Variants in CIB3 observed in about 807,000 individuals in gnomAD.
CIB3 encodes calcium and integrin binding family member 3, also known as calcium and integrin-binding family member 3.
In CIB3, 22 loss-of-function variants were observed where a neutral mutation model predicts 23.4. The observed-to-expected ratio is 0.94, with a 90% confidence interval of 0.67 to 1.34. The LOEUF (loss-of-function observed/expected upper bound fraction) is 1.34. CIB3 is among the 40% of genes most tolerant of loss of function. The pLI is 0.00. For synonymous variants in CIB3, 93 were observed against 95.8 expected (o/e 0.97, Z 0.17); for missense variants, 258 against 247.3 (o/e 1.04, Z -0.29).
intron 2 of CIB3, among the ~76,000 whole-genome samples, chr19:16,170,693 G>T (rs1212049156): frequency 2.0e-5 from 3 of 151,822 alleles, no homozygotes; most frequent in Admixed American, 2.0e-4. Context: ...GTGGTGACGG[G>T]CACCTGTAAT....
Position 16,168,417 on chromosome 19 carries a change from G to T in CIB3, c.199-133C>A. 5 of 1,293,676 alleles carry T rather than the reference G, an allele frequency of 3.9e-6. No individual in the cohort carries two copies. The South Asian group carries it at 7.5e-5, about 20-fold the overall frequency. 80.1% of individuals were successfully genotyped at this position (1,293,676 alleles called of 1,614,324 possible). ...CCATCAAGACCCACTCCCTCCCATG[G>T]TCCCTGGACAGGACTTTGGACAACT... On this transcript the variant is annotated intron_variant, in intron 3 of 5. Transcript: ENST00000269878.
chr19:16,172,314 C>T (rs989722039), intron 2 of CIB3, among the ~76,000 whole-genome samples: 10 of 152,164 alleles, frequency 6.6e-5, no homozygotes, highest in African/African-American at 2.2e-4. Context: ...ACCACCTCGC[C>T]CAGCTGATTT....
intron 2 of CIB3, among the ~76,000 whole-genome samples, chr19:16,172,804 G>T (rs1265310078): frequency 6.6e-6 from 1 of 151,768 alleles, no homozygotes; most frequent in East Asian, 2.0e-4. Flanking sequence ...ATACAAAAAT[G>T]AGGTACATGT....
At chr19:16,164,964 C>T (rs1002345722) in intron 4 of CIB3, 51 bp from the exon 5 acceptor site, 12 of 1,506,140 alleles carry the variant, frequency 8.0e-6, no homozygotes, top group East Asian at 2.3e-5. Context: ...GAGGGCTAGG[C>T]CGGCTGTGGG....
At chr19:16,164,990 T>C in intron 4 of CIB3, 77 bp from the exon 5 acceptor site, 2 of 1,277,988 alleles carry the variant, frequency 1.6e-6, no homozygotes, top group Non-Finnish European at 1.1e-6. Context: ...ACTGTGCCCA[T>C]GTTACAAGAA....
At chr19:16,167,100 A>T (rs1289890270) in intron 4 of CIB3, among the ~76,000 whole-genome samples, 1 of 152,086 alleles carries the variant, frequency 6.6e-6, no homozygotes, top group Non-Finnish European at 1.5e-5. Flanking sequence ...ACCTGTAATC[A>T]ATCTCAGCTA....
chr19:16,168,098 C>A, intron 4 of CIB3, 39 bp downstream of exon 4: 2 of 1,573,370 alleles, frequency 1.3e-6, no homozygotes, highest in South Asian at 1.2e-5. Flanking sequence ...ACTCCCCACC[C>A]CATCCCCATG....
In CIB3 at chr19:16,173,105, A is replaced by G. The variant is rs902314182; in HGVS notation, c.86+57T>C. On this transcript the variant is annotated intron_variant, in intron 2 of 5. Coordinates refer to ENST00000269878, the MANE Select transcript of CIB3 (RefSeq NM_054113.4). ...ACACACCAAATTGCAAATATCCTCC[A>G]GCAATGAATAGAAAGTTGTTTTTCC... 5 of 1,601,504 alleles carry G rather than the reference A, an allele frequency of 3.1e-6. No individual in the cohort carries two copies. In the African/African-American group the frequency reaches 6.8e-5, roughly 22 times the overall value.
chr19:16,161,545 C>A, intron 5 of CIB3, 59 bp from the exon 6 acceptor site: 1 of 1,591,058 alleles, frequency 6.3e-7, no homozygotes, highest in Non-Finnish European at 8.6e-7. Flanking sequence ...CCTTTTCCTC[C>A]TCCCCCTCAA....
intron 4 of CIB3, among the ~76,000 whole-genome samples, chr19:16,167,049 C>G (rs1176923548): frequency 6.6e-6 from 1 of 152,108 alleles, no homozygotes; most frequent in Non-Finnish European, 1.5e-5. Flanking sequence ...AACTCCGTCT[C>G]TACTAAAAAT....
chr19:16,171,281 T>TC (rs2091327318), intron 2 of CIB3, among the ~76,000 whole-genome samples: 2 of 151,408 alleles, frequency 1.3e-5, no homozygotes, highest in Admixed American at 6.6e-5. Context: ...ACAAAAGATA[T>TC]TTTGCAAATA....
intron 2 of CIB3, among the ~76,000 whole-genome samples, chr19:16,171,480 T>C (rs2091328004): frequency 6.6e-6 from 1 of 152,100 alleles, no homozygotes; most frequent in African/African-American, 2.4e-5. Flanking sequence ...GGTCATATGA[T>C]GACTAGGAAC....
In CIB3 at chr19:16,169,720, G is replaced by T; in HGVS notation, c.108C>A (p.Asp36Glu). ...CGAGGGGCACGAGCTGTGGGGCCAG[G>T]TCCTGGTAGCGATAGAAGAGCCTGA... ...EIMRLFYRYQ[D>E]LAPQLVPLDY... Residue 36 changes from aspartate to glutamate, a missense_variant, in exon 3 of 6, where the codon GAC becomes GAA. Transcript: ENST00000269878. The T allele has an allele frequency of 6.2e-7, 1 of 1,611,694 alleles. No individual in the cohort carries two copies. Among genetic ancestry groups the T allele is most frequent in the Non-Finnish European group, 8.5e-7 (1 of 1,178,888 alleles).
chr19:16,170,999 G>A (rs866501661), intron 2 of CIB3, among the ~76,000 whole-genome samples: 9 of 151,860 alleles, frequency 5.9e-5, no homozygotes, highest in East Asian at 1.9e-4. Flanking sequence ...TTAGCCAGGC[G>A]TGGTGGTGGG....
intron 4 of CIB3, 78 bp downstream of exon 4, chr19:16,168,059 G>C: frequency 6.6e-7 from 1 of 1,515,270 alleles, no homozygotes; most frequent in South Asian, 1.3e-5. Context: ...GGAGATATTT[G>C]TGATGTGGGT....
chr19:16,161,488 T>C lies in CIB3; in HGVS notation c.543-2A>G. 6.2e-7 allele frequency: 1 copy of C among 1,613,968 alleles called. No individual in the cohort carries two copies. The highest frequency in any genetic ancestry group is 8.5e-7 in the Non-Finnish European group (1 of 1,179,990). ...CATCAGATTCGGATGTGGAAGGTGCTGTGTGCAGAGAGAAAAGGAGTCAAG... is the reference window on the plus strand; with the variant it reads ...CATCAGATTCGGATGTGGAAGGTGCCGTGTGCAGAGAGAAAAGGAGTCAAG... On this transcript the variant is annotated splice_acceptor_variant, in intron 5 of 5. Coordinates refer to ENST00000269878, the MANE Select transcript of CIB3 (RefSeq NM_054113.4). LOFTEE classifies it high-confidence loss of function.
rs1293048625 is a variant in CIB3, at chr19:16,164,717, C to T, written c.542+1G>A. ...CTGTGGGCGGTGACGGAGAGCATCA[C>T]CTGAGGAAGTCTGGTGCCCGGAGGA... On this transcript the variant is annotated splice_donor_variant, in intron 5 of 5. Coordinates refer to ENST00000269878, the MANE Select transcript of CIB3 (RefSeq NM_054113.4). LOFTEE classifies it high-confidence loss of function. The T allele has an allele frequency of 6.8e-6, 11 of 1,613,370 alleles. No individual in the cohort carries two copies. In the Admixed American group the frequency reaches 1.0e-4, roughly 15 times the overall value.
chr19:16,161,403 A>G lies in CIB3; in HGVS notation c.*62T>C. ...TGACTTGTGTTTATTCTCAGAAACC[A>G]GAGTCCACAGCGGGTGAGGGGTCAC... On this transcript the variant is annotated 3_prime_UTR_variant, in exon 6 of 6. Transcript: ENST00000269878. The G allele has an allele frequency of 1.3e-6, 2 of 1,548,708 alleles. No individual in the cohort carries two copies. Among genetic ancestry groups the G allele is most frequent in the South Asian group, 1.1e-5 (1 of 89,686 alleles).
At chr19:16,168,367 CCTT>C (rs1371041511) in intron 3 of CIB3, 83 bp from the exon 4 acceptor site, 2 of 1,547,350 alleles carry the variant, frequency 1.3e-6, no homozygotes, top group Admixed American at 4.0e-5. Context: ...TCAGCACCCA[CCTT>C]CTGGGAACCT....
Sources: gnomAD v4.1 joint callset for allele counts (sites outside exome capture counted in the v4.1 genomes callset) on GRCh38, gnomAD v4.1.1 for gene constraint, MANE v1.5 for transcripts, NCBI Gene and HGNC (gene_info 2026-07-23, HGNC 2026-07-21) for gene names.